The following GABRA3 variants were observed in gnomAD, a reference collection of about 807,000 sequenced individuals.
The protein encoded by GABRA3 is gamma-aminobutyric acid type A receptor subunit alpha3, also known as gamma-aminobutyric acid receptor subunit alpha-3.
GABRA3 carries 10 observed loss-of-function variants against 30.1 expected under a neutral mutation model. The ratio of observed to expected loss-of-function variants is 0.33; its 90% CI spans 0.20 to 0.56. GABRA3 has a LOEUF of 0.56. Among genes scored for constraint, GABRA3 ranks in the 20% least tolerant of loss-of-function variants. The probability of loss-of-function intolerance (pLI) is 0.89; values close to 1 mark genes in which losing one functional copy is unlikely to be tolerated. For synonymous variants in GABRA3, 151 were observed against 146.8 expected (o/e 1.03, Z -0.21); for missense variants, 233 against 392.0 (o/e 0.59, Z 3.42).
chrX:152,387,969 C>CA (rs1569415036), intron 1 of GABRA3, among the ~76,000 whole-genome samples: 14 of 110,816 alleles, frequency 1.3e-4, no homozygotes, highest in Non-Finnish European at 1.9e-5. Context: ...ACCAAAGATT[C>CA]AAAAAAGTCA....
intron 2 of GABRA3, among the ~76,000 whole-genome samples, chrX:152,363,159 C>CAA (rs1569408479): frequency 9.0e-6 from 1 of 110,924 alleles, no homozygotes. Flanking sequence ...GTGCCTAGAA[C>CAA]AAAACAAGGA....
Position 152,168,567 on chromosome X carries a change from G to C in GABRA3, c.1144-4C>G. 1.7e-6 allele frequency: 2 copies of C among 1,184,488 alleles called. No homozygotes were observed. The highest frequency in any genetic ancestry group is 2.3e-6 in the Non-Finnish European group (2 of 872,830). On this transcript the variant is annotated splice_polypyrimidine_tract_variant and splice_region_variant and intron_variant, in intron 9 of 9. Coordinates refer to ENST00000370314, the MANE Select transcript of GABRA3 (RefSeq NM_000808.4). Reference sequence around the variant, plus strand: ...CTGGGGCTGCTGGTGTTTTCTTCTAGAGGCCAGGAAAAAGAGGGGGGGAAA... The same window carrying C: ...CTGGGGCTGCTGGTGTTTTCTTCTACAGGCCAGGAAAAAGAGGGGGGGAAA...
chrX:152,430,681 A>C (rs1452295556), intron 1 of GABRA3, among the ~76,000 whole-genome samples: 1 of 112,153 alleles, frequency 8.9e-6, no homozygotes, highest in African/African-American at 3.2e-5. Flanking sequence ...CCATAAAAAA[A>C]GGAAATTCAA....
chrX:152,198,411 C>G (rs915078538), intron 7 of GABRA3, among the ~76,000 whole-genome samples: 8 of 112,722 alleles, frequency 7.1e-5, no homozygotes, highest in Non-Finnish European at 1.3e-4. Flanking sequence ...TGAGCACTTA[C>G]TGCGCTTTTA....
At chrX:152,256,654 A>G (rs1343793647) in intron 4 of GABRA3, among the ~76,000 whole-genome samples, 1 of 112,145 alleles carries the variant, frequency 8.9e-6, no homozygotes, top group East Asian at 2.8e-4. Flanking sequence ...AAATAAATGA[A>G]CAATAAATGT....
chrX:152,366,150 G>A (rs1928654212), intron 1 of GABRA3, among the ~76,000 whole-genome samples: 1 of 111,441 alleles, frequency 9.0e-6, no homozygotes, highest in African/African-American at 3.3e-5. Context: ...TAACTTCCAT[G>A]GTAAGGGCAG....
intron 4 of GABRA3, among the ~76,000 whole-genome samples, chrX:152,256,814 C>T (rs1479203060): frequency 1.8e-5 from 2 of 111,674 alleles, no homozygotes; most frequent in African/African-American, 3.3e-5. Context: ...GGTGAGTTTA[C>T]CTTTGAAAGA....
intron 1 of GABRA3, among the ~76,000 whole-genome samples, chrX:152,415,729 AG>A (rs1930195085): frequency 9.0e-6 from 1 of 111,496 alleles, no homozygotes; most frequent in African/African-American, 3.3e-5. Context: ...CTAAGTAAAA[AG>A]TTTATAGGTC....
chrX:152,366,597 T>C (rs895135336), intron 1 of GABRA3, among the ~76,000 whole-genome samples: 1 of 112,181 alleles, frequency 8.9e-6, no homozygotes, highest in Non-Finnish European at 1.9e-5. Context: ...TATACTATGA[T>C]ACATAAAAAA....
chrX:152,345,564 A>G lies in GABRA3; in HGVS notation c.262+17T>C. On this transcript the variant is annotated intron_variant, in intron 3 of 9. Transcript: ENST00000370314. ...AGAAGATCTGAAAAGGACTTCAAAG[A>G]TCTTAAAAGGACTGACCTCCAAGCC... 1 of 1,193,427 alleles carries G rather than the reference A, an allele frequency of 8.4e-7. No homozygotes were observed. Among genetic ancestry groups the G allele is most frequent in the Non-Finnish European group, 1.1e-6 (1 of 889,805 alleles).
chrX:152,414,837 A>G (rs1242120541), intron 1 of GABRA3, among the ~76,000 whole-genome samples: 6 of 90,786 alleles, frequency 6.6e-5, no homozygotes, highest in Non-Finnish European at 1.3e-4. Context: ...CCACTAAAAA[A>G]AATGAGCTAT....
chrX:152,253,961 G>T (rs1163839228), intron 5 of GABRA3, among the ~76,000 whole-genome samples: 4 of 111,672 alleles, frequency 3.6e-5, no homozygotes, highest in Non-Finnish European at 7.5e-5. Flanking sequence ...CCAAAACAAT[G>T]AGTTAGATGA....
At chrX:152,424,878 T>C (rs907593946) in intron 1 of GABRA3, among the ~76,000 whole-genome samples, 4 of 109,593 alleles carry the variant, frequency 3.6e-5, no homozygotes, top group East Asian at 2.8e-4. Flanking sequence ...ATTTGTCACA[T>C]TGTATCTGTA....
chrX:152,250,577 T>C (rs763860916), intron 5 of GABRA3: 4 of 111,699 alleles, frequency 3.6e-5, no homozygotes, highest in Admixed American at 1.9e-4. Context: ...ACCTGAATAA[T>C]AGAACATATT....
chrX:152,295,730 T>G, intron 3 of GABRA3, among the ~76,000 whole-genome samples: 1 of 112,277 alleles, frequency 8.9e-6, no homozygotes, highest in African/African-American at 3.2e-5. Context: ...CCCAATGAGA[T>G]GAAACGTTTA....
chrX:152,325,718 C>A (rs181775213), intron 3 of GABRA3, among the ~76,000 whole-genome samples: 2 of 111,636 alleles, frequency 1.8e-5, no homozygotes, highest in Non-Finnish European at 3.8e-5. Flanking sequence ...CAAAGACCAA[C>A]GGTAGATAAA....
At chrX:152,376,287 T>G (rs1928996111) in intron 1 of GABRA3, among the ~76,000 whole-genome samples, 1 of 109,823 alleles carries the variant, frequency 9.1e-6, no homozygotes, top group South Asian at 4.0e-4. Context: ...AAACTCTTAT[T>G]TTTTTTTTCT....
chrX:152,269,918 A>G (rs1170124101), intron 4 of GABRA3, among the ~76,000 whole-genome samples: 1 of 112,214 alleles, frequency 8.9e-6, no homozygotes, highest in African/African-American at 3.2e-5. Context: ...GAAATGCTCC[A>G]TGATACTGGC....
At chrX:152,314,359 GATAA>G (rs1028511335) in intron 3 of GABRA3, among the ~76,000 whole-genome samples, 2 of 111,641 alleles carry the variant, frequency 1.8e-5, no homozygotes, top group African/African-American at 6.5e-5. Flanking sequence ...TGCTGAATTG[GATAA>G]ATAAAGGAAA....
Sources: gnomAD v4.1 joint callset for allele counts (sites outside exome capture counted in the v4.1 genomes callset) on GRCh38, gnomAD v4.1.1 for gene constraint, MANE v1.5 for transcripts, NCBI Gene and HGNC (gene_info 2026-07-23, HGNC 2026-07-21) for gene names.